The following TBC1D5 variants were observed in gnomAD, a reference collection of about 807,000 sequenced individuals.
TBC1D5 encodes the protein TBC1 domain family member 5.
TBC1D5 carries 75 observed loss-of-function variants against 100.3 expected under a neutral mutation model. The observed-to-expected ratio is 0.75, with a 90% CI of 0.62 to 0.91. The LOEUF is 0.91. Ranked by LOEUF, TBC1D5 falls within the 40% of genes least tolerant of loss-of-function variation. The probability of loss-of-function intolerance (pLI) is 0.00; values close to 1 mark genes in which losing one functional copy is unlikely to be tolerated. For synonymous variants in TBC1D5, 323 were observed against 325.6 expected, an observed-to-expected ratio of 0.99 and a Z score of 0.09; for missense variants, 910 against 942.4, an observed-to-expected ratio of 0.97 and a Z score of 0.45.
At chr3:17,265,852 T>C (rs1388034497) in intron 15 of TBC1D5, among the ~76,000 whole-genome samples, 1 of 151,750 alleles carries the variant, frequency 6.6e-6, no homozygotes, top group Non-Finnish European at 1.5e-5. Context: ...TTTCTCTTCT[T>C]ATAGTTTTAT....
chr3:17,601,935 T>C (rs1470817406), intron 2 of TBC1D5, among the ~76,000 whole-genome samples: 5 of 152,052 alleles, frequency 3.3e-5, no homozygotes, highest in Non-Finnish European at 7.4e-5. Flanking sequence ...GTTCACGCCA[T>C]TCTCCTGTCT....
intron 14 of TBC1D5, among the ~76,000 whole-genome samples, chr3:17,302,810 A>AT (rs1234570721): frequency 6.6e-6 from 1 of 152,210 alleles, no homozygotes; most frequent in Non-Finnish European, 1.5e-5. Context: ...CCAAAAGAAC[A>AT]TATGTAATGC....
At chr3:17,476,012 G>T (rs2095433908) in intron 3 of TBC1D5, among the ~76,000 whole-genome samples, 2 of 151,936 alleles carry the variant, frequency 1.3e-5, no homozygotes, top group South Asian at 4.1e-4. Context: ...CTATTGCATG[G>T]TTCCTTTACT....
rs571161467 is a variant in TBC1D5 at position 17,274,003 on chromosome 3, GTATT to G, written c.1246-15416_1246-15413del. On this transcript the variant is annotated intron_variant, in intron 15 of 21. Transcript: ENST00000253692. ...TTTTCAAGAAGCTCAAAGTTTAACT[GTATT>G]TAATTAAAAAAAAAAAAAAAAGAAG... 9.4e-3 allele frequency among the ~76,000 whole-genome samples: 865 copies of G among 91,654 alleles called. 5 individuals are homozygous for G. Among genetic ancestry groups the G allele is most frequent in the African/African-American group, 0.035 (844 of 23,968 alleles). The allele number at this position is 91,654 out of a possible 152,430, so 60.1% of individuals were successfully genotyped here.
At chr3:17,449,876 C>A (rs1559910612) in intron 3 of TBC1D5, among the ~76,000 whole-genome samples, 1 of 152,234 alleles carries the variant, frequency 6.6e-6, no homozygotes, top group Non-Finnish European at 1.5e-5. Context: ...AATGCTCAAG[C>A]TCTGCTAAGG....
intron 3 of TBC1D5, among the ~76,000 whole-genome samples, chr3:17,438,343 T>A (rs1383236079): frequency 6.6e-6 from 1 of 152,180 alleles, no homozygotes; most frequent in Admixed American, 6.5e-5. Flanking sequence ...TTTGGCTGTT[T>A]CCCTACTCAA....
At chr3:17,329,029 G>C (rs1390417874) in intron 13 of TBC1D5, among the ~76,000 whole-genome samples, 1 of 152,188 alleles carries the variant, frequency 6.6e-6, no homozygotes, top group Non-Finnish European at 1.5e-5. Flanking sequence ...GATACTTCCT[G>C]ACTCTACAAG....
chr3:17,372,527 GTCTT>G (rs905189565), intron 12 of TBC1D5, among the ~76,000 whole-genome samples: 11 of 152,272 alleles, frequency 7.2e-5, no homozygotes, highest in African/African-American at 1.9e-4. Context: ...AAAAATGAAT[GTCTT>G]TCTTTGTGTT....
At chr3:17,708,153 C>T (rs1460186572) in intron 1 of TBC1D5, among the ~76,000 whole-genome samples, 1 of 152,164 alleles carries the variant, frequency 6.6e-6, no homozygotes, top group Non-Finnish European at 1.5e-5. Flanking sequence ...AATTCATTTT[C>T]CACATTGTCA....
chr3:17,201,245 G>C (rs1184070724), intron 18 of TBC1D5, among the ~76,000 whole-genome samples: 2 of 152,038 alleles, frequency 1.3e-5, no homozygotes, highest in East Asian at 1.9e-4. Flanking sequence ...AATTTGGAGA[G>C]TGAAAAAAAA....
At chr3:17,158,221 G>T (rs1351398689) in exon 22 of TBC1D5, 1 of 152,030 alleles carries the variant, frequency 6.6e-6, no homozygotes, top group African/African-American at 2.4e-5. Flanking sequence ...AAACACATAG[G>T]GACACATATA....
At chr3:17,169,967 T>A (rs2067008840) in intron 19 of TBC1D5, among the ~76,000 whole-genome samples, 1 of 152,186 alleles carries the variant, frequency 6.6e-6, no homozygotes, top group East Asian at 1.9e-4. Flanking sequence ...GGGTTTGCGA[T>A]CCTACCAGAA....
intron 18 of TBC1D5, among the ~76,000 whole-genome samples, chr3:17,205,098 G>C (rs904221273): frequency 3.3e-5 from 5 of 152,154 alleles, no homozygotes; most frequent in African/African-American, 1.2e-4. Context: ...GACTTAAACT[G>C]CTGATGTTTA....
intron 13 of TBC1D5, among the ~76,000 whole-genome samples, chr3:17,353,931 T>A (rs895975757): frequency 6.6e-6 from 1 of 152,114 alleles, no homozygotes; most frequent in African/African-American, 2.4e-5. Context: ...CTTGTTTCCC[T>A]CACATATGCT....
chr3:17,422,182 T>C (rs2094223106), intron 4 of TBC1D5, among the ~76,000 whole-genome samples: 1 of 152,104 alleles, frequency 6.6e-6, no homozygotes, highest in Non-Finnish European at 1.5e-5. Context: ...TTTTGTTTTG[T>C]TGTTTTGAGA....
intron 1 of TBC1D5, among the ~76,000 whole-genome samples, chr3:17,715,327 T>C (rs890320248): frequency 6.6e-6 from 1 of 152,216 alleles, no homozygotes; most frequent in Non-Finnish European, 1.5e-5. Context: ...CATTTCTATT[T>C]TTAGAGAGCA....
chr3:17,566,890 G>A (rs550156661), intron 2 of TBC1D5, among the ~76,000 whole-genome samples: 6 of 151,862 alleles, frequency 4.0e-5, no homozygotes, highest in Admixed American at 1.3e-4. Context: ...ATTGCTCTTA[G>A]AATATTTTGG....
Position 17,298,010 on chromosome 3 carries a change from G to C in TBC1D5, c.1139-6009C>G, listed in dbSNP as rs144906302. Among the ~76,000 whole-genome samples the C allele has an allele frequency of 2.0e-5, 3 of 152,246 alleles. No individual in the cohort carries two copies. In the East Asian group the frequency reaches 5.8e-4, roughly 29 times the overall value. On this transcript the variant is annotated intron_variant, in intron 14 of 21. Transcript: ENST00000253692. ...GTAAAATGTCATGGAAATGAAGCCT[G>C]AAAAAATTGGTGGGGATTAAGATTT...
At position 17,685,988 on chromosome 3, in the gene TBC1D5, T is replaced by C. The variant is rs143616407; in HGVS notation, c.-101+53355A>G. ...AGTCGACATTATTAGTCATAAACTA[T>C]GTCAAGATTTTTAGAAGTCTTCAGT... On this transcript the variant is annotated intron_variant, in intron 1 of 21. Coordinates refer to ENST00000253692, the Ensembl canonical transcript of TBC1D5. Among the ~76,000 whole-genome samples, 759 of 152,286 alleles carry C rather than the reference T, an allele frequency of 5.0e-3. 15 individuals are homozygous for C. The highest frequency in any genetic ancestry group is 3.5e-3 in the Non-Finnish European group (241 of 67,994).
Sources: allele counts gnomAD v4.1 joint callset (sites outside exome capture counted in the v4.1 genomes callset), GRCh38; gene constraint gnomAD v4.1.1; transcripts MANE v1.5; gene names NCBI Gene and HGNC (gene_info 2026-07-23, HGNC 2026-07-21).